The following KSR1 variants were observed in gnomAD, a reference collection of about 807,000 sequenced individuals.
KSR1 encodes the protein kinase suppressor of ras.
KSR1 carries 35 observed loss-of-function variants against 92.9 expected under a neutral mutation model. The ratio of observed to expected loss-of-function variants is 0.38; its 90% CI spans 0.29 to 0.50. KSR1 has a LOEUF of 0.50. Ranked by LOEUF, KSR1 falls within the 20% of genes least tolerant of loss-of-function variation. KSR1 has a pLI of 0.94. For synonymous variants in KSR1, 467 were observed against 472.6 expected (o/e 0.99, Z 0.15); for missense variants, 972 against 1,158.5 (o/e 0.84, Z 2.34).
chr17:27,556,183 A>T (rs888123683), intron 2 of KSR1, among the ~76,000 whole-genome samples: 3 of 152,218 alleles, frequency 2.0e-5, no homozygotes, highest in African/African-American at 7.2e-5. Flanking sequence ...TTTAAAATAC[A>T]ATAAAAGCAG....
intron 1 of KSR1, among the ~76,000 whole-genome samples, chr17:27,467,845 C>G (rs1021257123): frequency 1.4e-5 from 2 of 147,728 alleles, no homozygotes; most frequent in Admixed American, 1.4e-4. Flanking sequence ...GAGTCTCGCT[C>G]TGTCCCCCAG....
rs1449831571 is a variant in KSR1 at position 27,577,524 on chromosome 17, G to A, written c.405G>A (p.Leu135=). ...CCCGAGACCTCACGCTGGATGCCCT[G>A]CTGGAGATGAATGAGGCCAAGGTGA... ...EIPRDLTLDA[L]LEMNEAKVKE... The change falls in exon 3 of 21, where the codon CTG becomes CTA. Residue 135 remains leucine (L), a synonymous_variant. Coordinates refer to ENST00000644974, the MANE Select transcript of KSR1 (RefSeq NM_001394583.1). This position sits in a 1 kb window ranked among gnomAD's most constrained non-coding sequence, Gnocchi z 4.5. 1 of 1,600,832 alleles carries A rather than the reference G, an allele frequency of 6.2e-7. No individual in the cohort carries two copies. The highest frequency in any genetic ancestry group is 1.7e-5 in the Admixed American group (1 of 59,158).
At chr17:27,532,828 C>T (rs915598963) in intron 1 of KSR1, among the ~76,000 whole-genome samples, 1 of 152,216 alleles carries the variant, frequency 6.6e-6, no homozygotes. Flanking sequence ...ATGTCTCCAT[C>T]TGCATCACTG....
At chr17:27,493,695 A>G (rs554413323) in intron 1 of KSR1, among the ~76,000 whole-genome samples, 1 of 152,314 alleles carries the variant, frequency 6.6e-6, no homozygotes, top group Admixed American at 6.5e-5. Context: ...AAGAAGCAGC[A>G]TCATGAAAAA....
At chr17:27,469,528 C>T (rs2019867026) in intron 1 of KSR1, among the ~76,000 whole-genome samples, 1 of 152,280 alleles carries the variant, frequency 6.6e-6, no homozygotes, top group African/African-American at 2.4e-5. Flanking sequence ...TGACTCCATT[C>T]CTTGCCAGCT....
intron 1 of KSR1, among the ~76,000 whole-genome samples, chr17:27,533,672 G>A (rs559726350): frequency 4.6e-5 from 7 of 152,210 alleles, no homozygotes; most frequent in African/African-American, 1.2e-4. Flanking sequence ...GTGAGCCCCC[G>A]CACCCAGCCG....
At chr17:27,502,664 T>C (rs952872334) in intron 1 of KSR1, among the ~76,000 whole-genome samples, 1 of 152,232 alleles carries the variant, frequency 6.6e-6, no homozygotes, top group African/African-American at 2.4e-5. Flanking sequence ...CTTTCTGTGC[T>C]TGCTCACACT....
At chr17:27,552,378 A>G (rs1169647981) in intron 2 of KSR1, among the ~76,000 whole-genome samples, 1 of 152,172 alleles carries the variant, frequency 6.6e-6, no homozygotes, top group African/African-American at 2.4e-5. Flanking sequence ...ATAAATACCT[A>G]TTTATTTACT....
chr17:27,611,646 C>T lies in KSR1; in HGVS notation c.2493+17C>T, dbSNP rs2073920285. Reference sequence around the variant, plus strand: ...GAAGTCAGTGTAAGTAGTACCTGCCCTGGGTGGAGCAGTAGGGCTGGAGGT... The same window carrying T: ...GAAGTCAGTGTAAGTAGTACCTGCCTTGGGTGGAGCAGTAGGGCTGGAGGT... On this transcript the variant is annotated intron_variant, in intron 18 of 20. Transcript: ENST00000644974. 1.9e-6 allele frequency: 3 copies of T among 1,613,444 alleles called. No homozygotes were observed. The highest frequency in any genetic ancestry group is 1.7e-5 in the Admixed American group (1 of 59,988).
At position 27,497,827 on chromosome 17, in the gene KSR1, A is replaced by G. The variant is rs192090932; in HGVS notation, c.231+40953A>G. Among the ~76,000 whole-genome samples the G allele has an allele frequency of 2.9e-3, 445 of 152,280 alleles. 5 individuals carry two copies. Among genetic ancestry groups the G allele is most frequent in the African/African-American group, 0.01 (421 of 41,552 alleles). Reference sequence around the variant, plus strand: ...ATGTGCAGCAAGGAGGGCCAGCAGTATTGGTGAGGAAGCTCCAGGAGTGAC... The same window carrying G: ...ATGTGCAGCAAGGAGGGCCAGCAGTGTTGGTGAGGAAGCTCCAGGAGTGAC... On this transcript the variant is annotated intron_variant, in intron 1 of 20. Coordinates refer to ENST00000644974, the MANE Select transcript of KSR1 (RefSeq NM_001394583.1).
chr17:27,525,237 C>A (rs1056775917), intron 1 of KSR1, among the ~76,000 whole-genome samples: 3 of 152,238 alleles, frequency 2.0e-5, no homozygotes, highest in African/African-American at 7.2e-5. Context: ...TGTGTACAGT[C>A]AAGCAGGTTG....
At chr17:27,538,840 G>T (rs1417391473) in intron 1 of KSR1, among the ~76,000 whole-genome samples, 3 of 152,204 alleles carry the variant, frequency 2.0e-5, no homozygotes, top group African/African-American at 7.2e-5. Context: ...GCACTCATCT[G>T]TCATTGCCCC....
At chr17:27,589,120 C>T (rs749396403) in intron 6 of KSR1, among the ~76,000 whole-genome samples, 3 of 152,204 alleles carry the variant, frequency 2.0e-5, no homozygotes, top group East Asian at 1.9e-4. Flanking sequence ...CCCCTGCCAC[C>T]GGAAGCTCCC....
intron 2 of KSR1, among the ~76,000 whole-genome samples, chr17:27,575,912 A>G (rs76228760): frequency 1.3e-5 from 2 of 152,316 alleles, no homozygotes; most frequent in Admixed American, 1.3e-4. Flanking sequence ...TTGGGATCTC[A>G]CAAGGCTGAG....
chr17:27,497,083 T>G (rs2150972465), intron 1 of KSR1, among the ~76,000 whole-genome samples: 1 of 152,362 alleles, frequency 6.6e-6, no homozygotes, highest in Admixed American at 6.5e-5. Context: ...AATGCGGAGC[T>G]GCTCATTAAA....
intron 1 of KSR1, among the ~76,000 whole-genome samples, chr17:27,471,159 C>T (rs920407116): frequency 6.6e-6 from 1 of 152,174 alleles, no homozygotes. Flanking sequence ...GCCACCGTGC[C>T]GGGCCCACTC....
intron 1 of KSR1, among the ~76,000 whole-genome samples, chr17:27,458,067 T>C (rs1384370028): frequency 6.6e-6 from 1 of 152,156 alleles, no homozygotes; most frequent in East Asian, 1.9e-4. Flanking sequence ...TCAGTTTTAT[T>C]TTCTTAAAAG....
chr17:27,621,111 C>T (rs1047923449), intron 19 of KSR1, 82 bp from the exon 20 acceptor site: 2 of 398,392 alleles, frequency 5.0e-6, no homozygotes, highest in Non-Finnish European at 8.8e-6. Flanking sequence ...TCCACCTGTC[C>T]ACACGTGCCT....
intron 11 of KSR1, among the ~76,000 whole-genome samples, chr17:27,602,458 C>T (rs1026831020): frequency 1.3e-5 from 2 of 152,126 alleles, no homozygotes; most frequent in African/African-American, 2.4e-5. Flanking sequence ...CATTTTCCCC[C>T]GAAGATATGT....
Sources: gnomAD v4.1 joint callset for allele counts (sites outside exome capture counted in the v4.1 genomes callset) on GRCh38, gnomAD v4.1.1 for gene constraint, Gnocchi (gnomAD v3.1) non-coding constraint, MANE v1.5 for transcripts, NCBI Gene and HGNC (gene_info 2026-07-23, HGNC 2026-07-21) for gene names.